The following EMILIN2 variants were observed in gnomAD, a reference collection of about 807,000 sequenced individuals.
EMILIN2 encodes EMILIN-2.
Under a neutral mutation model 87.1 loss-of-function variants are expected in EMILIN2, and 71 were observed. The ratio of observed to expected loss-of-function variants is 0.82; its 90% confidence interval spans 0.67 to 0.99. The LOEUF (loss-of-function observed/expected upper bound fraction) is 0.99. Among genes scored for constraint, EMILIN2 ranks in the 50% least tolerant of loss-of-function variants. The probability of loss-of-function intolerance (pLI) is 0.00; values close to 1 mark genes in which losing one functional copy is unlikely to be tolerated. For missense variants in EMILIN2, 1,407 were observed against 1,371.8 expected (o/e 1.03, Z -0.40); for synonymous variants, 581 against 563.4 (o/e 1.03, Z -0.44).
intron 3 of EMILIN2, among the ~76,000 whole-genome samples, chr18:2,887,782 A>G (rs557495288): frequency 2.0e-5 from 3 of 148,226 alleles, no homozygotes; most frequent in Non-Finnish European, 4.5e-5. Context: ...ATTCACTGTC[A>G]TTATAAAAAA....
At chr18:2,846,245 T>C (rs1232921901), upstream of EMILIN2, among the ~76,000 whole-genome samples, 2 of 152,252 alleles carry the variant, frequency 1.3e-5, no homozygotes, top group Non-Finnish European at 2.9e-5. This position sits in a 1 kb window ranked among gnomAD's most constrained non-coding sequence, Gnocchi z 5.3. Context: ...AAGACGGATG[T>C]CTAGCAGTGC....
intron 2 of EMILIN2, among the ~76,000 whole-genome samples, chr18:2,874,433 A>G (rs9955018): frequency 0.11 from 17,137 of 152,092 alleles, 3,358 homozygotes; most frequent in African/African-American, 0.39. Context: ...ATGCGGTGAC[A>G]TACAGAATGG....
intron 3 of EMILIN2, among the ~76,000 whole-genome samples, chr18:2,887,314 G>C (rs2076807865): frequency 6.6e-6 from 1 of 152,022 alleles, no homozygotes; most frequent in Non-Finnish European, 1.5e-5. Flanking sequence ...TTTTAGGAAG[G>C]AGTAAAAAGA....
chr18:2,854,099 A>G (rs1239962549), intron 2 of EMILIN2, among the ~76,000 whole-genome samples: 2 of 152,078 alleles, frequency 1.3e-5, no homozygotes, highest in Non-Finnish European at 2.9e-5. Flanking sequence ...ATTCCCTCTG[A>G]GTTCACTTTG....
intron 4 of EMILIN2, among the ~76,000 whole-genome samples, chr18:2,905,133 CTG>C (rs895907412): frequency 6.6e-6 from 1 of 152,028 alleles, no homozygotes; most frequent in African/African-American, 2.4e-5. Context: ...ACTAACTTCT[CTG>C]TATCTAGAAT....
At position 2,847,573 on chromosome 18, in the gene EMILIN2, T is replaced by C. The variant is rs1449277182; in HGVS notation, c.135-236T>C. On this transcript the variant is annotated intron_variant, in intron 1 of 7. Coordinates refer to ENST00000254528, the MANE Select transcript of EMILIN2 (RefSeq NM_032048.3). The surrounding 1 kb of genome is among the most constrained non-coding windows in gnomAD (Gnocchi z 4.5). ...CCGAAAACGACTCCCAGGAATTCCATGAGCCCCTGGGACCATGGGTGCTTT... is the reference window on the plus strand; with the variant it reads ...CCGAAAACGACTCCCAGGAATTCCACGAGCCCCTGGGACCATGGGTGCTTT... Among the ~76,000 whole-genome samples the C allele has an allele frequency of 1.3e-5, 2 of 152,098 alleles. No individual in the cohort carries two copies. The highest frequency in any genetic ancestry group is 1.9e-4 in the East Asian group (1 of 5,148).
At chr18:2,864,340 T>A (rs1056317584) in intron 2 of EMILIN2, among the ~76,000 whole-genome samples, 22 of 152,222 alleles carry the variant, frequency 1.4e-4, no homozygotes, top group African/African-American at 5.3e-4. Flanking sequence ...TTTTGGCATG[T>A]TTTTGCAGTG....
rs1598509410 is a variant in EMILIN2, at chr18:2,913,469, C to T, written c.*65C>T. ...AAAAACTCTAAAGCTTTAATATATT[C>T]GGTTTGTATGTAATGGAAGCACGGG... On this transcript the variant is annotated 3_prime_UTR_variant, in exon 8 of 8. Coordinates refer to ENST00000254528, the MANE Select transcript of EMILIN2 (RefSeq NM_032048.3). 5.3e-6 allele frequency: 7 copies of T among 1,332,856 alleles called. No homozygotes were observed. The South Asian group carries it at 5.8e-5, about 11-fold the overall frequency. 82.6% of individuals were successfully genotyped at this position (1,332,856 alleles called of 1,614,324 possible).
chr18:2,872,474 G>A (rs1483873705), intron 2 of EMILIN2, among the ~76,000 whole-genome samples: 2 of 152,106 alleles, frequency 1.3e-5, no homozygotes, highest in African/African-American at 2.4e-5. Flanking sequence ...CTCCTGCCTC[G>A]GCCTCCCACA....
intron 2 of EMILIN2, among the ~76,000 whole-genome samples, chr18:2,864,589 A>G (rs1203192804): frequency 1.3e-5 from 2 of 152,186 alleles, no homozygotes; most frequent in East Asian, 1.9e-4. Context: ...GAGATCAGCT[A>G]TTAGTCTGAT....
intron 7 of EMILIN2, among the ~76,000 whole-genome samples, chr18:2,912,187 C>T (rs917787108): frequency 1.3e-5 from 2 of 151,666 alleles, no homozygotes; most frequent in East Asian, 1.9e-4. Context: ...TACAGGTGCA[C>T]GCCACCACGC....
intron 7 of EMILIN2, among the ~76,000 whole-genome samples, chr18:2,912,811 C>G (rs2076947497): frequency 6.6e-6 from 1 of 152,174 alleles, no homozygotes; most frequent in South Asian, 2.1e-4. Context: ...CCTTTAGGTG[C>G]TTCCAATAAG....
Position 2,892,500 on chromosome 18 carries a change from T to C in EMILIN2, c.2359+14T>C, listed in dbSNP as rs772736643. 7 of 1,563,466 alleles carry C rather than the reference T, an allele frequency of 4.5e-6. No individual in the cohort carries two copies. In the East Asian group the frequency reaches 1.4e-4, roughly 30 times the overall value. On this transcript the variant is annotated intron_variant, in intron 4 of 7. Transcript: ENST00000254528. ...AGCCATCAGCAAGTAAGTTGAATAT[T>C]ACAATTCTATTTCTTGTATTTCTTT...
chr18:2,913,136 A>C lies in EMILIN2; in HGVS notation c.2894A>C (p.Tyr965Ser). 6.2e-7 allele frequency: 1 copy of C among 1,613,734 alleles called. No individual in the cohort carries two copies. The highest frequency in any genetic ancestry group is 2.2e-5 in the East Asian group (1 of 44,836). The change falls in exon 8 of 8, where the codon TAC becomes TCC. Residue 965 changes from tyrosine to serine, a missense_variant. Physicochemically the swap from Tyr to Ser is moderately radical, Grantham distance 144 (BLOSUM62 -2). Transcript: ENST00000254528. ...TATLTPERDA[Y>S]VEAVLSVSNA... ...ACCCTCACCCCCGAGAGAGACGCCT[A>C]CGTGGAAGCAGTGCTGTCGGTCTCC...
intron 2 of EMILIN2, among the ~76,000 whole-genome samples, chr18:2,865,993 G>A (rs905940073): frequency 1.4e-4 from 22 of 152,240 alleles, no homozygotes; most frequent in African/African-American, 5.3e-4. Flanking sequence ...CTTCATGGGT[G>A]TAGGACCTTC....
At chr18:2,868,766 G>T (rs471399) in intron 2 of EMILIN2, among the ~76,000 whole-genome samples, 1 of 151,712 alleles carries the variant, frequency 6.6e-6, no homozygotes, top group Non-Finnish European at 1.5e-5. Context: ...GCTTCGGCTC[G>T]GCATCAGACG....
At chr18:2,905,782 TG>T (rs140485246) in intron 4 of EMILIN2, among the ~76,000 whole-genome samples, 11,920 of 56,714 alleles carry the variant, frequency 0.21, 1,177 homozygotes, top group East Asian at 0.41. Flanking sequence ...TTTGTTTTTT[TG>T]TTTTTTTTTT....
chr18:2,892,564 A>AT (rs2076844490), intron 4 of EMILIN2, 78 bp downstream of exon 4: 2 of 1,492,722 alleles, frequency 1.3e-6, no homozygotes, highest in African/African-American at 2.8e-5. Flanking sequence ...TTTTTTGTTC[A>AT]TTTTTGATAT....
intron 2 of EMILIN2, among the ~76,000 whole-genome samples, chr18:2,851,114 A>G (rs2076599313): frequency 6.6e-6 from 1 of 151,748 alleles, no homozygotes; most frequent in Non-Finnish European, 1.5e-5. Context: ...AAGGAGCTGA[A>G]TAGTAGCCAA....
Sources: gnomAD v4.1 joint callset for allele counts (sites outside exome capture counted in the v4.1 genomes callset) on GRCh38, gnomAD v4.1.1 for gene constraint, Gnocchi (gnomAD v3.1) non-coding constraint, MANE v1.5 for transcripts, NCBI Gene and HGNC (gene_info 2026-07-23, HGNC 2026-07-21) for gene names.